MINDY4B: variants seen among roughly 807,000 people sequenced by gnomAD.
MINDY4B encodes MINDY family member 4B, also known as inactive ubiquitin carboxyl-terminal hydrolase MINDY-4B.
Under a neutral mutation model 16.7 loss-of-function variants are expected in MINDY4B, and 25 were observed. That is an observed-to-expected ratio of 1.49 (90% CI 1.09 to 2.09). MINDY4B has a LOEUF of 2.09. MINDY4B is among the 30% of genes most tolerant of loss of function. The pLI, the probability that MINDY4B is intolerant of heterozygous loss-of-function variation, is 0.00. For synonymous variants in MINDY4B, 132 were observed against 61.9 expected (o/e 2.13, Z -5.32); for missense variants, 327 against 168.4 (o/e 1.94, Z -5.21).
At chr3:150,873,552 A>G (rs1717018020) in intron 10 of MINDY4B, among the ~76,000 whole-genome samples, 185 bp from the exon 11 acceptor site, 1 of 152,214 alleles carries the variant, frequency 6.6e-6, no homozygotes, top group Admixed American at 6.5e-5. Context: ...GCATTTATGA[A>G]TGATCTGGTA....
intron 3 of MINDY4B, among the ~76,000 whole-genome samples, chr3:150,899,933 T>G (rs1253653752): frequency 6.6e-6 from 1 of 152,234 alleles, no homozygotes; most frequent in Non-Finnish European, 1.5e-5. Flanking sequence ...CTCTCCAGAA[T>G]ATTTTGGTCT....
rs955171596 is a variant in MINDY4B at position 150,873,174 on chromosome 3, C to T, written c.1240+13G>A. 22 of 699,868 alleles carry T rather than the reference C, an allele frequency of 3.1e-5. No individual in the cohort carries two copies. The African/African-American group carries it at 3.1e-4, about 10-fold the overall frequency. The allele number at this position is 699,868 out of a possible 1,614,324, so 43.4% of individuals were successfully genotyped here. On this transcript the variant is annotated intron_variant, in intron 11 of 11. Transcript: ENST00000465419. ...CATTAAAATCCACAACACCTGGAGTCTGAAATGCTCACCTATTGTAAGACG... is the reference window on the plus strand; with the variant it reads ...CATTAAAATCCACAACACCTGGAGTTTGAAATGCTCACCTATTGTAAGACG...
chr3:150,887,111 T>G (rs1468381240), intron 7 of MINDY4B, among the ~76,000 whole-genome samples: 2 of 152,364 alleles, frequency 1.3e-5, no homozygotes, highest in Non-Finnish European at 2.9e-5. Flanking sequence ...ACTATTCTTG[T>G]GTTTGGGTGT....
intron 10 of MINDY4B, among the ~76,000 whole-genome samples, chr3:150,873,635 C>G (rs750975968): frequency 1.3e-4 from 20 of 152,112 alleles, no homozygotes; most frequent in Non-Finnish European, 2.8e-4. Context: ...GGAGGCAAAA[C>G]AACTTCAGTT....
At chr3:150,893,635 G>A (rs114286541) in intron 4 of MINDY4B, among the ~76,000 whole-genome samples, 1,640 of 146,940 alleles carry the variant, frequency 0.011, 32 homozygotes, top group African/African-American at 0.039. Flanking sequence ...CTGGTGACTG[G>A]GGATGTATGG....
rs1221958797 is a variant in MINDY4B at position 150,893,320 on chromosome 3, T to C, written c.521+4A>G. 3 of 702,798 alleles carry C rather than the reference T, an allele frequency of 4.3e-6. No homozygotes were observed. Among genetic ancestry groups the C allele is most frequent in the Non-Finnish European group, 7.8e-6 (3 of 384,826 alleles). The allele number at this position is 702,798 out of a possible 1,614,324, so 43.5% of individuals were successfully genotyped here. ...AATTCAAGTACTTCTCACAGTCCTC[T>C]TACTTGCCAAGGTTACAGTCTTTTC... is the stretch of plus-strand genomic sequence containing the variant. On this transcript the variant is annotated splice_donor_region_variant and intron_variant, in intron 5 of 11. Transcript: ENST00000465419.
At chr3:150,895,828 C>T (rs979660825) in intron 3 of MINDY4B, among the ~76,000 whole-genome samples, 5 of 152,142 alleles carry the variant, frequency 3.3e-5, no homozygotes, top group African/African-American at 9.7e-5. Context: ...TGACAGTGTT[C>T]CTAGGTGATG....
In MINDY4B at chr3:150,903,328, C is replaced by T. The variant is rs987702277; in HGVS notation, c.230G>A (p.Ser77Asn). Reference sequence around the variant, plus strand: ...GGGGTTGGGAATAGAACAAAGGCCACTTGATGGCAAATGTCCTTGTCCTTT... The same window carrying T: ...GGGGTTGGGAATAGAACAAAGGCCATTTGATGGCAAATGTCCTTGTCCTTT... The part of the protein sequence containing the change: ...QPKGQGHLPS[S>N]GLCSIPNPSI... Residue 77 changes from serine (S) to asparagine (N), a missense_variant, in exon 3 of 12, where the codon AGT becomes AAT. Ser to Asn is a conservative substitution (Grantham distance 46, BLOSUM62 1). Transcript: ENST00000465419. 2.0e-5 allele frequency: 8 copies of T among 398,410 alleles called. No individual in the cohort carries two copies. The Admixed American group carries it at 3.5e-4, about 18-fold the overall frequency. 24.7% of individuals were successfully genotyped at this position (398,410 alleles called of 1,614,324 possible). A position where few individuals can be genotyped will look rare whatever the true frequency, so the allele number is the denominator to read the frequency against.
At chr3:150,879,425 A>G (rs748981712) in intron 10 of MINDY4B, among the ~76,000 whole-genome samples, 10 of 152,132 alleles carry the variant, frequency 6.6e-5, no homozygotes, top group Non-Finnish European at 1.2e-4. Context: ...CACAGCAAAC[A>G]ATTAACCACT....
At chr3:150,890,514 C>T (rs1034565146) in intron 6 of MINDY4B, 129 bp from the exon 7 acceptor site, 1 of 486,996 alleles carries the variant, frequency 2.1e-6, no homozygotes, top group African/African-American at 2.0e-5. Flanking sequence ...TAAAAACTGA[C>T]ATACTATCTT....
chr3:150,890,709 A>G (rs1171174611), intron 6 of MINDY4B: 2 of 510,086 alleles, frequency 3.9e-6, no homozygotes, highest in East Asian at 2.9e-5. Flanking sequence ...ATTATTTCAG[A>G]TGGGAGATAT....
Position 150,884,633 on chromosome 3 carries a change from T to C in MINDY4B, c.824+735A>G, listed in dbSNP as rs952468144. On this transcript the variant is annotated intron_variant, in intron 8 of 11. Coordinates refer to ENST00000465419, the MANE Select transcript of MINDY4B (RefSeq NM_001351281.2). ...TTTTAATGTTAAGTGAATGATAACATACAGCATAAAATGTGATGGCGGTAT... is the reference window on the plus strand; with the variant it reads ...TTTTAATGTTAAGTGAATGATAACACACAGCATAAAATGTGATGGCGGTAT... 6.3e-5 allele frequency among the ~76,000 whole-genome samples: 5 copies of C among 79,950 alleles called. No homozygotes were observed. In the East Asian group the frequency reaches 9.3e-4, roughly 15 times the overall value. The allele number at this position is 79,950 out of a possible 152,430, so 52.5% of individuals were successfully genotyped here.
intron 7 of MINDY4B, among the ~76,000 whole-genome samples, chr3:150,887,920 G>A (rs967325013): frequency 1.1e-4 from 17 of 152,112 alleles, no homozygotes; most frequent in South Asian, 6.2e-4. Flanking sequence ...CATCCTGGCT[G>A]ACATGGTGAA....
intron 8 of MINDY4B, among the ~76,000 whole-genome samples, chr3:150,884,006 A>G (rs1288171870): frequency 1.3e-5 from 2 of 152,178 alleles, no homozygotes; most frequent in African/African-American, 2.4e-5. Context: ...GATGTCTCAA[A>G]TGTTCGAATC....
intron 3 of MINDY4B, among the ~76,000 whole-genome samples, chr3:150,897,918 A>G (rs1382444311): frequency 6.6e-6 from 1 of 152,158 alleles, no homozygotes; most frequent in Non-Finnish European, 1.5e-5. Context: ...ACTAATGGAA[A>G]ATGTTTCCCT....
At chr3:150,887,158 A>G (rs1314358798) in intron 7 of MINDY4B, among the ~76,000 whole-genome samples, 2 of 152,316 alleles carry the variant, frequency 1.3e-5, no homozygotes, top group Middle Eastern at 3.4e-3. Context: ...AAACACAGGC[A>G]TTGCAGTACC....
intron 3 of MINDY4B, chr3:150,901,362 G>T (rs979557428): frequency 1.3e-5 from 2 of 152,164 alleles, no homozygotes; most frequent in African/African-American, 4.8e-5. Flanking sequence ...TAAGATACAA[G>T]TTAAGGCTCC....
At chr3:150,895,548 C>T (rs1047758035) in intron 3 of MINDY4B, among the ~76,000 whole-genome samples, 2 of 152,180 alleles carry the variant, frequency 1.3e-5, no homozygotes, top group African/African-American at 4.8e-5. Flanking sequence ...TCACTGCAAC[C>T]TCAGCCTCTG....
At chr3:150,882,691 T>C (rs1318896672) in intron 10 of MINDY4B, among the ~76,000 whole-genome samples, 2 of 152,084 alleles carry the variant, frequency 1.3e-5, no homozygotes, top group African/African-American at 4.8e-5. Context: ...CATAAAAATA[T>C]GTAAAATAAA....
Sources: allele counts gnomAD v4.1 joint callset (sites outside exome capture counted in the v4.1 genomes callset), GRCh38; gene constraint gnomAD v4.1.1; transcripts MANE v1.5; gene names NCBI Gene and HGNC (gene_info 2026-07-23, HGNC 2026-07-21).